Variants in GSTA4 observed in about 807,000 individuals in gnomAD.
GSTA4 encodes glutathione S-transferase A4.
A neutral mutation model predicts 24.4 loss-of-function variants in GSTA4; 15 were observed. The ratio of observed to expected loss-of-function variants is 0.61; its 90% confidence interval spans 0.41 to 0.95. GSTA4 has a LOEUF of 0.95. GSTA4 is among the 40% of genes least tolerant of loss of function. The probability of loss-of-function intolerance (pLI) is 0.00; values close to 1 mark genes in which losing one functional copy is unlikely to be tolerated. For synonymous variants in GSTA4, 92 were observed against 94.2 expected (o/e 0.98, Z 0.13); for missense variants, 244 against 262.1 (o/e 0.93, Z 0.48).
chr6:52,978,306 G>A lies in GSTA4; in HGVS notation c.*164C>T. The A allele has an allele frequency of 1.5e-6, 1 of 681,632 alleles. No homozygotes were observed. Among genetic ancestry groups the A allele is most frequent in the Non-Finnish European group, 2.4e-6 (1 of 408,470 alleles). The allele number at this position is 681,632 out of a possible 1,614,324, so 42.2% of individuals were successfully genotyped here. ...AACAATTATTTACTGGACAAAAAAG[G>A]TTGATATTTCTAGAAGAGATGATCT... On this transcript the variant is annotated 3_prime_UTR_variant, in exon 7 of 7. Transcript: ENST00000370963.
chr6:52,991,914 A>G (rs1763669160), intron 2 of GSTA4, among the ~76,000 whole-genome samples: 1 of 151,854 alleles, frequency 6.6e-6, no homozygotes, highest in African/African-American at 2.4e-5. Flanking sequence ...ATGCCACCAC[A>G]CCCAGCTAAT....
chr6:52,982,169 A>C (rs1230582246), intron 6 of GSTA4, among the ~76,000 whole-genome samples: 1 of 152,186 alleles, frequency 6.6e-6, no homozygotes, highest in Non-Finnish European at 1.5e-5. Flanking sequence ...CCCCTGAGGC[A>C]AACTCCCTGT....
rs1245532169 is a variant in GSTA4 at position 52,984,563 on chromosome 6, C to G, written c.315G>C (p.Leu105=). Residue 105 remains leucine, a synonymous_variant, in exon 5 of 7, where the codon CTG becomes CTC. Coordinates refer to ENST00000370963, the MANE Select transcript of GSTA4 (RefSeq NM_001512.4). ...GTTTTAAGAAAGGATGCATGATAAG[C>G]AGTTCCAGCAGATCCAGTGTCCCCT... is the stretch of plus-strand genomic sequence containing the variant. ...YVEGTLDLLE[L]LIMHPFLKPD... 1 of 1,613,366 alleles carries G rather than the reference C, an allele frequency of 6.2e-7. No individual in the cohort carries two copies. Among genetic ancestry groups the G allele is most frequent in the South Asian group, 1.1e-5 (1 of 91,062 alleles).
chr6:52,993,019 C>T (rs1281431175), intron 2 of GSTA4, among the ~76,000 whole-genome samples: 1 of 152,000 alleles, frequency 6.6e-6, no homozygotes, highest in African/African-American at 2.4e-5. Context: ...AGGGGAATTG[C>T]TTGATCCTGG....
At position 52,981,085 on chromosome 6, in the gene GSTA4, C is replaced by G. The variant is rs535732877; in HGVS notation, c.546+1489G>C. Among the ~76,000 whole-genome samples, 9 of 151,754 alleles carry G rather than the reference C, an allele frequency of 5.9e-5. No individual in the cohort carries two copies. The South Asian group carries it at 1.5e-3, about 25-fold the overall frequency. On this transcript the variant is annotated intron_variant, in intron 6 of 6. Transcript: ENST00000370963. ...AAATCAAATTAAGGAAAGTCAATCT[C>G]TGTGTCTGCAAAAGTAAATGAAAAA...
At position 52,994,166 on chromosome 6, in the gene GSTA4, G is replaced by A. The variant is rs767379353; in HGVS notation, c.78C>T (p.Ala26=). Residue 26 remains alanine, a synonymous_variant, in exon 2 of 7, where the codon GCC becomes GCT. Coordinates refer to ENST00000370963, the MANE Select transcript of GSTA4 (RefSeq NM_001512.4). ...MESVRWVLAA[A]GVEFDEEFLE... is the part of the protein sequence containing the mutation. ...ACAGCATATAAGGTACCTCGACTCC[G>A]GCGGCAGCTAAAACCCATCTCACGG... 9 of 1,607,402 alleles carry A rather than the reference G, an allele frequency of 5.6e-6. No homozygotes were observed. The highest frequency in any genetic ancestry group is 6.8e-6 in the Non-Finnish European group (8 of 1,173,988).
rs572019608 is a variant in GSTA4 at position 52,994,844 on chromosome 6, C to G, written c.-19+405G>C. Among the ~76,000 whole-genome samples the G allele has an allele frequency of 1.6e-3, 251 of 152,262 alleles. 1 individual carries two copies. Among genetic ancestry groups the G allele is most frequent in the African/African-American group, 5.5e-3 (228 of 41,560 alleles). Reference sequence around the variant, plus strand: ...CCACCCCTACAGGGAGATGAGCCCCCGGCCTTGTAAAACGAGCCGGGGGCC... The same window carrying G: ...CCACCCCTACAGGGAGATGAGCCCCGGGCCTTGTAAAACGAGCCGGGGGCC... On this transcript the variant is annotated intron_variant, in intron 1 of 6. Coordinates refer to ENST00000370963, the MANE Select transcript of GSTA4 (RefSeq NM_001512.4).
At position 52,978,397 on chromosome 6, in the gene GSTA4, G is replaced by C; in HGVS notation, c.*73C>G. The C allele has an allele frequency of 6.9e-7, 1 of 1,447,394 alleles. No homozygotes were observed. Among genetic ancestry groups the C allele is most frequent in the South Asian group, 1.2e-5 (1 of 81,276 alleles). 89.7% of individuals were successfully genotyped at this position (1,447,394 alleles called of 1,614,324 possible). A position where few individuals can be genotyped will look rare whatever the true frequency, so the allele number is the denominator to read the frequency against. On this transcript the variant is annotated 3_prime_UTR_variant, in exon 7 of 7. Transcript: ENST00000370963. ...ATAGATAGCACCATGACAGAGCTGG[G>C]ATCCATTAAGACATGACTGTAGACA... is the stretch of plus-strand genomic sequence containing the variant.
intron 2 of GSTA4, among the ~76,000 whole-genome samples, chr6:52,990,389 A>C (rs1311586129): frequency 6.6e-6 from 1 of 152,212 alleles, no homozygotes; most frequent in African/African-American, 2.4e-5. Context: ...ATGTGAGCAC[A>C]AACTTAGCTG....
intron 3 of GSTA4, among the ~76,000 whole-genome samples, chr6:52,985,831 T>TC (rs1416553142): frequency 6.6e-6 from 1 of 152,020 alleles, no homozygotes; most frequent in Non-Finnish European, 1.5e-5. Context: ...GGCAGGCGGA[T>TC]CATGAGGTCA....
intron 4 of GSTA4, 137 bp downstream of exon 4, chr6:52,985,314 G>A: frequency 1.5e-6 from 1 of 680,948 alleles, no homozygotes; most frequent in Non-Finnish European, 2.4e-6. Context: ...TGGTCTTCGT[G>A]ACCTTCTTGG....
rs181583000 is a variant in GSTA4, at chr6:52,983,334, G to A, written c.415-629C>T. On this transcript the variant is annotated intron_variant, in intron 5 of 6. Coordinates refer to ENST00000370963, the MANE Select transcript of GSTA4 (RefSeq NM_001512.4). ...CTTATAAGAATAGATTGTGATTAGG[G>A]AGAGGCAAGAAGCAGTAGTAGCAAA... 3.6e-4 allele frequency among the ~76,000 whole-genome samples: 55 copies of A among 152,324 alleles called. No individual in the cohort carries two copies. The Middle Eastern group carries it at 0.014, about 38-fold the overall frequency.
At position 52,978,518 on chromosome 6, in the gene GSTA4, G is replaced by C. The variant is rs201300012; in HGVS notation, c.621C>G (p.Pro207=). 6.2e-6 allele frequency: 10 copies of C among 1,612,984 alleles called. No homozygotes were observed. The African/African-American group carries it at 1.3e-4, about 22-fold the overall frequency. ...CGGTTCTCACATAAATTTCATCAGGGGGAGGCTTCTTCTTGCTGCCAGGTT... is the reference window on the plus strand; with the variant it reads ...CGGTTCTCACATAAATTTCATCAGGCGGAGGCTTCTTCTTGCTGCCAGGTT... The part of the protein sequence containing the change: ...FLEPGSKKKP[P]PDEIYVRTVY... Residue 207 remains proline, a synonymous_variant, in exon 7 of 7, where the codon CCC becomes CCG. Transcript: ENST00000370963.
At position 52,980,270 on chromosome 6, in the gene GSTA4, C is replaced by T. The variant is rs551397573; in HGVS notation, c.547-1678G>A. ...TGTGAGGTGTGTGTCTATGTGTACA[C>T]AAGCATGTATATATATGCATGCCTG... On this transcript the variant is annotated intron_variant, in intron 6 of 6. Transcript: ENST00000370963. 2.0e-5 allele frequency among the ~76,000 whole-genome samples: 3 copies of T among 151,832 alleles called. No homozygotes were observed. The East Asian group carries it at 5.8e-4, about 29-fold the overall frequency.
chr6:52,982,709 T>C lies in GSTA4; in HGVS notation c.415-4A>G, dbSNP rs1306791972. On this transcript the variant is annotated splice_polypyrimidine_tract_variant and splice_region_variant and intron_variant, in intron 5 of 6. Transcript: ENST00000370963. ...TTTGTCCGTGACCCCTTAAAATCTG[T>C]AGGGAAATGGTGTGCATCAGTTACA... 9 of 1,608,792 alleles carry C rather than the reference T, an allele frequency of 5.6e-6. No individual in the cohort carries two copies. The South Asian group carries it at 6.6e-5, about 12-fold the overall frequency.
chr6:52,979,241 C>T (rs1454139173), intron 6 of GSTA4, among the ~76,000 whole-genome samples: 2 of 152,152 alleles, frequency 1.3e-5, no homozygotes, highest in Non-Finnish European at 2.9e-5. Flanking sequence ...GCTGTAAACA[C>T]CACTCGGACT....
intron 6 of GSTA4, among the ~76,000 whole-genome samples, chr6:52,981,577 ATAT>A (rs1383699095): frequency 6.6e-6 from 1 of 152,226 alleles, no homozygotes; most frequent in East Asian, 1.9e-4. Flanking sequence ...GTGTCATGAA[ATAT>A]TATTCCACAG....
chr6:52,984,650 G>T, intron 4 of GSTA4, 45 bp from the exon 5 acceptor site: 2 of 1,495,418 alleles, frequency 1.3e-6, no homozygotes, highest in South Asian at 1.2e-5. Context: ...TCTCTTTGAA[G>T]CCATCAGTTT....
At chr6:52,984,671 G>A in intron 4 of GSTA4, 66 bp from the exon 5 acceptor site, 3 of 1,088,602 alleles carry the variant, frequency 2.8e-6, no homozygotes, top group Middle Eastern at 2.5e-4. Context: ...CCACAACTAA[G>A]AATTCAGAGT....
Sources: allele counts gnomAD v4.1 joint callset (sites outside exome capture counted in the v4.1 genomes callset), GRCh38; gene constraint gnomAD v4.1.1; transcripts MANE v1.5; gene names NCBI Gene and HGNC (gene_info 2026-07-23, HGNC 2026-07-21).